Variants in ABCA13 observed in about 807,000 individuals in gnomAD.
The protein encoded by ABCA13 is ATP binding cassette subfamily A member 13, also known as ATP-binding cassette sub-family A member 13.
A neutral mutation model predicts 478.7 loss-of-function variants in ABCA13; 476 were observed. The observed-to-expected ratio is 0.99, with a 90% confidence interval of 0.92 to 1.07. The LOEUF (loss-of-function observed/expected upper bound fraction) is 1.07. ABCA13 is among the 50% of genes least tolerant of loss of function. The pLI is 0.00. For missense variants in ABCA13, 6,060 were observed against 5,910.6 expected (o/e 1.03, Z -0.83); for synonymous variants, 2,252 against 2,158.9 (o/e 1.04, Z -1.20).
intron 8 of ABCA13, among the ~76,000 whole-genome samples, chr7:48,237,884 G>C (rs1289543225): frequency 6.6e-6 from 1 of 152,190 alleles, no homozygotes; most frequent in East Asian, 1.9e-4. Context: ...GAGCATCTGA[G>C]TGGGGACTTG....
chr7:48,440,090 A>T (rs1433506), intron 42 of ABCA13, among the ~76,000 whole-genome samples: 17,594 of 152,180 alleles, frequency 0.12, 1,213 homozygotes, highest in Admixed American at 0.16. Flanking sequence ...TTACATATTT[A>T]TTTAAGAATA....
At chr7:48,334,567 C>T (rs1584899784) in intron 27 of ABCA13, among the ~76,000 whole-genome samples, 1 of 152,174 alleles carries the variant, frequency 6.6e-6, no homozygotes, top group South Asian at 2.1e-4. Flanking sequence ...AATCTCCTGA[C>T]CTCATGAGCC....
chr7:48,608,166 C>T (rs1436095388), intron 58 of ABCA13, among the ~76,000 whole-genome samples: 1 of 152,228 alleles, frequency 6.6e-6, no homozygotes, highest in Non-Finnish European at 1.5e-5. Flanking sequence ...CAGGCATAAG[C>T]CACCATGCCC....
intron 59 of ABCA13, among the ~76,000 whole-genome samples, chr7:48,632,516 A>G (rs1008246024): frequency 1.3e-5 from 2 of 152,278 alleles, no homozygotes; most frequent in East Asian, 3.9e-4. Context: ...ATTTACCCCC[A>G]GATTTTTTTC....
intron 55 of ABCA13, among the ~76,000 whole-genome samples, chr7:48,555,627 A>G (rs1184781863): frequency 6.6e-6 from 1 of 151,810 alleles, no homozygotes; most frequent in Non-Finnish European, 1.5e-5. Context: ...GTAGCCACTA[A>G]TGATCCTTTG....
chr7:48,324,544 C>G (rs1490768990), intron 27 of ABCA13, among the ~76,000 whole-genome samples: 1 of 152,182 alleles, frequency 6.6e-6, no homozygotes, highest in African/African-American at 2.4e-5. Context: ...TTAGAGCTCT[C>G]TATGAAACTT....
At chr7:48,225,135 G>T (rs6583444) in intron 5 of ABCA13, among the ~76,000 whole-genome samples, 22,360 of 69,348 alleles carry the variant, frequency 0.32, 4,434 homozygotes, top group Non-Finnish European at 0.46. Flanking sequence ...CTGCCTGCCT[G>T]CCTTCCTTCC....
At chr7:48,266,183 TG>T (rs1794847886) in intron 15 of ABCA13, among the ~76,000 whole-genome samples, 1 of 151,906 alleles carries the variant, frequency 6.6e-6, no homozygotes, top group Admixed American at 6.5e-5. Flanking sequence ...GTTAAAATTT[TG>T]TTTAACATTT....
intron 40 of ABCA13, among the ~76,000 whole-genome samples, chr7:48,411,085 CTCCTTTCCTT>C (rs745323941): frequency 4.3e-5 from 4 of 93,836 alleles, no homozygotes; most frequent in African/African-American, 1.1e-4. Context: ...CTTTCTTTCT[CTCCTTTCCTT>C]TCCTTTCCTT....
Position 48,580,378 on chromosome 7 carries a change from A to G in ABCA13, c.14505+4A>G. The G allele has an allele frequency of 1.9e-6, 3 of 1,610,236 alleles. No homozygotes were observed. Among genetic ancestry groups the G allele is most frequent in the Middle Eastern group, 1.7e-4 (1 of 6,060 alleles). On this transcript the variant is annotated splice_donor_region_variant and intron_variant, in intron 56 of 61. Transcript: ENST00000435803. ...TCCAAGGCAGTGCATCCCTGAGGTA[A>G]ATCTCCCTGGGGTCTTCTAGATAAA... is the stretch of plus-strand genomic sequence containing the variant.
chr7:48,490,712 A>G (rs1005873475), intron 48 of ABCA13, among the ~76,000 whole-genome samples: 12 of 152,226 alleles, frequency 7.9e-5, no homozygotes, highest in African/African-American at 2.9e-4. Context: ...GTAGAGGGAT[A>G]ATTGTTGATC....
chr7:48,296,040 T>G (rs1481039958), intron 21 of ABCA13, among the ~76,000 whole-genome samples, 177 bp downstream of exon 21: 2 of 152,182 alleles, frequency 1.3e-5, no homozygotes, highest in East Asian at 3.8e-4. Context: ...AGTGGTAAAA[T>G]GTAACAGCAG....
At chr7:48,282,854 A>G (rs6960617) in intron 19 of ABCA13, among the ~76,000 whole-genome samples, 47,750 of 151,978 alleles carry the variant, frequency 0.31, 7,951 homozygotes, top group Middle Eastern at 0.42. Context: ...GTGAGAACCC[A>G]GAGACTGTGC....
intron 1 of ABCA13, among the ~76,000 whole-genome samples, chr7:48,190,575 G>A (rs1796965870): frequency 6.6e-6 from 1 of 152,088 alleles, no homozygotes; most frequent in South Asian, 2.1e-4. Context: ...AAGCAGAAAT[G>A]CTTCTCTTCT....
chr7:48,516,964 T>C (rs1832169448), intron 52 of ABCA13, 83 bp downstream of exon 52: 1 of 1,435,328 alleles, frequency 7.0e-7, no homozygotes. Flanking sequence ...TTTGTTGCTT[T>C]TCTGACTGGA....
chr7:48,361,990 A>T (rs995247115), intron 31 of ABCA13, among the ~76,000 whole-genome samples: 2 of 152,040 alleles, frequency 1.3e-5, no homozygotes, highest in African/African-American at 4.8e-5. Flanking sequence ...CTGTTGCTAA[A>T]TCTTAATTTC....
Position 48,620,145 on chromosome 7 carries a change from G to A in ABCA13, c.14837+4768G>A, listed in dbSNP as rs369946385. Among the ~76,000 whole-genome samples the A allele has an allele frequency of 2.2e-4, 33 of 151,864 alleles. No individual in the cohort carries two copies. In the South Asian group the frequency reaches 6.5e-3, roughly 30 times the overall value. ...GAGCTCTGAGGAGGAGGAGGAGGAG[G>A]CCTTTTTTAGTTTGAGGAAATAGCG... On this transcript the variant is annotated intron_variant, in intron 59 of 61. Coordinates refer to ENST00000435803, the MANE Select transcript of ABCA13 (RefSeq NM_152701.5).
chr7:48,458,906 C>T (rs1585412336), intron 43 of ABCA13, among the ~76,000 whole-genome samples: 1 of 152,160 alleles, frequency 6.6e-6, no homozygotes, highest in East Asian at 1.9e-4. Context: ...GTAACCAGAC[C>T]TCCACAGCAC....
chr7:48,388,932 C>T (rs1374939328), intron 36 of ABCA13, 108 bp from the exon 37 acceptor site: 10 of 1,304,756 alleles, frequency 7.7e-6, no homozygotes, highest in Non-Finnish European at 1.1e-5. Flanking sequence ...TTGTGTGCTT[C>T]ACAGAGCTGG....
Sources: gnomAD v4.1 joint callset for allele counts (sites outside exome capture counted in the v4.1 genomes callset) on GRCh38, gnomAD v4.1.1 for gene constraint, MANE v1.5 for transcripts, NCBI Gene and HGNC (gene_info 2026-07-23, HGNC 2026-07-21) for gene names.